RFX3: variants seen among roughly 807,000 people sequenced by gnomAD.
RFX3 encodes transcription factor RFX3.
RFX3 carries 14 observed loss-of-function variants against 98.6 expected under a neutral mutation model. That is an observed-to-expected ratio of 0.14 (90% CI 0.09 to 0.22). RFX3 has a LOEUF of 0.22. Among genes scored for constraint, RFX3 ranks in the 10% least tolerant of loss-of-function variants. RFX3 has a pLI of 1.00. For synonymous variants in RFX3, 383 were observed against 328.4 expected (o/e 1.17, Z -1.80); for missense variants, 639 against 926.9 (o/e 0.69, Z 4.03).
At chr9:3,310,340 T>C (rs997397129) in intron 4 of RFX3, among the ~76,000 whole-genome samples, 5 of 152,202 alleles carry the variant, frequency 3.3e-5, no homozygotes, top group Non-Finnish European at 5.9e-5. Context: ...TATTAACCTG[T>C]CATTCCCTTA....
chr9:3,482,973 C>T (rs1030422723), intron 1 of RFX3, among the ~76,000 whole-genome samples: 7 of 152,164 alleles, frequency 4.6e-5, no homozygotes, highest in African/African-American at 1.7e-4. Context: ...CTATCCACAA[C>T]CAATCTTGCT....
chr9:3,489,854 T>C (rs756952456), intron 1 of RFX3, among the ~76,000 whole-genome samples: 1 of 152,156 alleles, frequency 6.6e-6, no homozygotes, highest in Non-Finnish European at 1.5e-5. Flanking sequence ...TGCTCTTTCT[T>C]TATTGTTCCT....
At chr9:3,242,858 A>G (rs1820143352) in intron 15 of RFX3, among the ~76,000 whole-genome samples, 3 of 151,998 alleles carry the variant, frequency 2.0e-5, no homozygotes, top group Admixed American at 2.0e-4. Flanking sequence ...TAAAGACTCT[A>G]CTGGTTTCTC....
intron 1 of RFX3, among the ~76,000 whole-genome samples, chr9:3,443,723 T>A (rs570884759): frequency 4.2e-4 from 64 of 152,268 alleles, no homozygotes; most frequent in African/African-American, 1.5e-3. Context: ...ATATACCCAG[T>A]AGTGGGGTTG....
At chr9:3,270,586 C>G (rs1486480112) in intron 10 of RFX3, 61 bp from the exon 11 acceptor site, 2 of 1,519,072 alleles carry the variant, frequency 1.3e-6, no homozygotes, top group Non-Finnish European at 1.8e-6. Context: ...AGAAAATGGA[C>G]TTTAAAAATA....
At chr9:3,375,344 A>G (rs1208554872) in intron 2 of RFX3, among the ~76,000 whole-genome samples, 1 of 152,192 alleles carries the variant, frequency 6.6e-6, no homozygotes, top group East Asian at 1.9e-4. Flanking sequence ...GATCCCAGTG[A>G]GCAAGACCAC....
chr9:3,247,202 T>G (rs950334218), intron 15 of RFX3: 61 of 985,898 alleles, frequency 6.2e-5, no homozygotes, highest in Non-Finnish European at 7.1e-5. Flanking sequence ...AATAAGCCAG[T>G]GCTGAACCAT....
intron 1 of RFX3, among the ~76,000 whole-genome samples, chr9:3,411,115 G>T (rs560237469): frequency 6.6e-6 from 1 of 152,222 alleles, no homozygotes; most frequent in East Asian, 1.9e-4. Context: ...ATGATCCATG[G>T]AGCCACTTTT....
chr9:3,247,119 T>C, intron 15 of RFX3: 5 of 985,390 alleles, frequency 5.1e-6, no homozygotes, highest in Middle Eastern at 1.0e-3. Flanking sequence ...CTTGGGTAAT[T>C]TGTCACATTT....
At chr9:3,374,728 G>A (rs1220770659) in intron 2 of RFX3, among the ~76,000 whole-genome samples, 1 of 152,106 alleles carries the variant, frequency 6.6e-6, no homozygotes, top group Admixed American at 6.5e-5. Context: ...TGGGTAGAGA[G>A]TTTCAGCTTT....
At chr9:3,347,572 C>T (rs1044017976) in intron 2 of RFX3, among the ~76,000 whole-genome samples, 3 of 151,994 alleles carry the variant, frequency 2.0e-5, no homozygotes, top group African/African-American at 7.3e-5. Flanking sequence ...CCCTGTAATC[C>T]CAGCACTTTG....
chr9:3,302,983 C>T (rs1015775112), intron 4 of RFX3, among the ~76,000 whole-genome samples: 6 of 151,662 alleles, frequency 4.0e-5, no homozygotes, highest in Non-Finnish European at 7.4e-5. Context: ...TAAAAAAATT[C>T]TTAAAATAGA....
intron 4 of RFX3, among the ~76,000 whole-genome samples, chr9:3,312,866 G>C (rs2130516477): frequency 1.3e-5 from 2 of 152,362 alleles, no homozygotes; most frequent in Middle Eastern, 3.4e-3. Context: ...AAGCGGCCTG[G>C]AAGCTCCAAC....
rs1374001348 is a variant in RFX3, at chr9:3,218,634, T to C, written c.*6408A>G. The C allele has an allele frequency of 3.9e-5, 6 of 152,146 alleles. No individual in the cohort carries two copies. Among genetic ancestry groups the C allele is most frequent in the Non-Finnish European group, 5.9e-5 (4 of 67,998 alleles). 9.4% of individuals were successfully genotyped at this position (152,146 alleles called of 1,614,324 possible). ...GGAAATACGTATTTACAAAATCAAA[T>C]ACATTATACAAAAAACCATCACATG... is the stretch of plus-strand genomic sequence containing the variant. On this transcript the variant is annotated 3_prime_UTR_variant, in exon 17 of 17. Transcript: ENST00000617270.
chr9:3,289,703 T>G (rs1327642127), intron 6 of RFX3, among the ~76,000 whole-genome samples: 1 of 152,088 alleles, frequency 6.6e-6, no homozygotes, highest in Non-Finnish European at 1.5e-5. Context: ...TTTATTTCAT[T>G]GGGAATGGTT....
At position 3,459,407 on chromosome 9, in the gene RFX3, G is replaced by C. The variant is rs1847483386; in HGVS notation, c.-8-63811C>G. Among the ~76,000 whole-genome samples, 3 of 152,032 alleles carry C rather than the reference G, an allele frequency of 2.0e-5. No individual in the cohort carries two copies. The South Asian group carries it at 6.2e-4, about 32-fold the overall frequency. On this transcript the variant is annotated intron_variant, in intron 1 of 16. Coordinates refer to ENST00000617270, the MANE Select transcript of RFX3 (RefSeq NM_001282116.2). ...CATCTGTGAAAAGTGGAAGACACAT[G>C]GTAAGTTTCAGGACAAGATCCTACT... is the stretch of plus-strand genomic sequence containing the variant.
At chr9:3,344,354 T>C (rs1834205297) in intron 3 of RFX3, among the ~76,000 whole-genome samples, 1 of 152,168 alleles carries the variant, frequency 6.6e-6, no homozygotes, top group South Asian at 2.1e-4. Context: ...ATTATATACT[T>C]AACCAGTTGG....
intron 2 of RFX3, among the ~76,000 whole-genome samples, chr9:3,387,302 T>C (rs1401051692): frequency 2.0e-5 from 3 of 152,170 alleles, no homozygotes; most frequent in African/African-American, 7.2e-5. Flanking sequence ...GCATTTAACA[T>C]AGTGCCTGGC....
intron 1 of RFX3, among the ~76,000 whole-genome samples, chr9:3,472,550 C>A (rs1164200832): frequency 2.0e-5 from 3 of 152,004 alleles, no homozygotes; most frequent in African/African-American, 7.2e-5. Context: ...AAACACTTCT[C>A]CAGACAGCAA....
Sources: allele counts gnomAD v4.1 joint callset (sites outside exome capture counted in the v4.1 genomes callset), GRCh38; gene constraint gnomAD v4.1.1; transcripts MANE v1.5; gene names NCBI Gene and HGNC (gene_info 2026-07-23, HGNC 2026-07-21).